The following MAP3K11 variants were observed in gnomAD, a reference collection of about 807,000 sequenced individuals.
The protein encoded by MAP3K11 is SH3 domain-containing proline-rich kinase.
MAP3K11 carries 46 observed loss-of-function variants against 84.9 expected under a neutral mutation model. The observed-to-expected ratio is 0.54, with a 90% CI of 0.43 to 0.69. The LOEUF (loss-of-function observed/expected upper bound fraction) is 0.69. Ranked by LOEUF, MAP3K11 falls within the 30% of genes least tolerant of loss-of-function variation. The pLI is 0.00. For missense variants in MAP3K11, 1,053 were observed against 1,198.3 expected (o/e 0.88, Z 1.79); for synonymous variants, 527 against 514.7 (o/e 1.02, Z -0.32).
chr11:65,607,041 C>G (rs1189981242), intron 5 of MAP3K11: 4 of 688,906 alleles, frequency 5.8e-6, no homozygotes, highest in Non-Finnish European at 9.0e-6. Context: ...CTTCCCAGAA[C>G]TTTCGTGAAC....
At chr11:65,606,862 C>G in intron 5 of MAP3K11, 58 bp from the exon 6 acceptor site, 1 of 1,175,952 alleles carries the variant, frequency 8.5e-7, no homozygotes, top group Admixed American at 2.0e-5. Context: ...GAGCCAGGAC[C>G]CCAACCTGCA....
At chr11:65,603,975 A>C (rs1003504900) in intron 8 of MAP3K11, among the ~76,000 whole-genome samples, 3 of 152,260 alleles carry the variant, frequency 2.0e-5, no homozygotes, top group African/African-American at 7.2e-5. Flanking sequence ...CCAAGAAAGA[A>C]GGCATTTCAG....
chr11:65,610,559 C>G (rs1854561134), intron 1 of MAP3K11: 1 of 152,278 alleles, frequency 6.6e-6, no homozygotes, highest in South Asian at 2.1e-4. Context: ...TTAGCAAGCC[C>G]CCGACGACAA....
rs1006256054 is a variant in MAP3K11, at chr11:65,606,040, G to C, written c.1645C>G (p.Pro549Ala). The C allele has an allele frequency of 1.3e-6, 2 of 1,593,386 alleles. No individual in the cohort carries two copies. The highest frequency in any genetic ancestry group is 1.7e-6 in the Non-Finnish European group (2 of 1,170,626). ...TTGCTTGAGTCCTCCAGACGTCGGG[G>C]GGACTGGCGGCCCCATGCCTGGCCT... ...EPGQAWGRQSPRRLEDSSNGE... is the reference protein window; with the variant it reads ...EPGQAWGRQSARRLEDSSNGE... Residue 549 changes from proline to alanine, a missense_variant, in exon 7 of 10, where the codon CCC (proline) becomes GCC (alanine). Around this residue, in one of 3 missense-constraint regions of MAP3K11, gnomAD observed 583 missense variants for 566.6 expected, o/e 1.03. Coordinates refer to ENST00000309100, the MANE Select transcript of MAP3K11 (RefSeq NM_002419.4).
At chr11:65,609,413 G>A (rs1370250234) in intron 1 of MAP3K11, 1 of 152,274 alleles carries the variant, frequency 6.6e-6, no homozygotes, top group Non-Finnish European at 1.5e-5. Flanking sequence ...CCACAAAGGA[G>A]GAGCTTGGGG....
intron 1 of MAP3K11, chr11:65,611,893 G>A (rs540496232): frequency 6.6e-6 from 1 of 152,396 alleles, no homozygotes; most frequent in South Asian, 2.1e-4. Flanking sequence ...CACCCTACCA[G>A]GGATGAGAAG....
At chr11:65,606,955 C>A in intron 5 of MAP3K11, 151 bp from the exon 6 acceptor site, 1 of 598,584 alleles carries the variant, frequency 1.7e-6, no homozygotes. Flanking sequence ...CTTTCTTGAG[C>A]CCCTGGGTCT....
rs1259075111 is a variant in MAP3K11, at chr11:65,607,288, G to A, written c.1471C>T (p.Arg491Cys). The change falls in exon 5 of 10, where the codon CGT (arginine) becomes TGT (cysteine). Residue 491 changes from arginine to cysteine, a missense_variant. This residue lies in a region of MAP3K11 where 583 missense variants were observed against 566.6 expected (regional missense o/e 1.03). Transcript: ENST00000309100. ...CCCTCACCGAGTGGCATGCTGATAC[G>A]CTCGCCGCCGTCGCGCGCCCGGAGC... ...SKLRARDGGE[R>C]ISMPLDFKHR... The A allele has an allele frequency of 3.3e-6, 5 of 1,520,644 alleles. No homozygotes were observed. The highest frequency in any genetic ancestry group is 5.1e-5 in the East Asian group (2 of 38,918). The allele number at this position is 1,520,644 out of a possible 1,614,324, so 94.2% of individuals were successfully genotyped here.
At position 65,608,094 on chromosome 11, in the gene MAP3K11, T is replaced by G. The variant is rs758465671; in HGVS notation, c.921-24A>C. 18 of 1,609,444 alleles carry G rather than the reference T, an allele frequency of 1.1e-5. No homozygotes were observed. In the South Asian group the frequency reaches 2.0e-4, roughly 18 times the overall value. On this transcript the variant is annotated intron_variant, in intron 2 of 9. Transcript: ENST00000309100. The stretch of plus-strand genomic sequence containing the variant: ...AACTGTGGGCGAGACAACAGGTCTG[T>G]GTTCCCTTTTCTCTCCCAACCCCCA...
At position 65,607,761 on chromosome 11, in the gene MAP3K11, C is replaced by T. The variant is rs1281775350; in HGVS notation, c.1125G>A (p.Gln375=). The T allele has an allele frequency of 5.0e-6, 8 of 1,613,672 alleles. No homozygotes were observed. In the East Asian group the frequency reaches 1.8e-4, roughly 36 times the overall value. Residue 375 remains glutamine, a synonymous_variant, in exon 4 of 10, where the codon CAG becomes CAA. Coordinates refer to ENST00000309100, the MANE Select transcript of MAP3K11 (RefSeq NM_002419.4). ...RRPDFASILQ[Q]LEALEAQVLR... ...GGACCTGTGCCTCCAGCGCCTCCAA[C>T]TGCTGCAGGATGGAGGCGAAGTCGG...
chr11:65,614,027 G>A lies in MAP3K11; in HGVS notation c.-271C>T. Reference sequence around the variant, plus strand: ...CGCCTCACCATGGCTAGCTTGGAGGGACCCGAGCTTCCCTCGGTTCTGGAG... The same window carrying A: ...CGCCTCACCATGGCTAGCTTGGAGGAACCCGAGCTTCCCTCGGTTCTGGAG... On this transcript the variant is annotated 5_prime_UTR_variant, in exon 1 of 10. Transcript: ENST00000309100. 4.2e-6 allele frequency: 2 copies of A among 476,720 alleles called. No individual in the cohort carries two copies. The highest frequency in any genetic ancestry group is 6.4e-5 in the South Asian group (2 of 31,420). 29.5% of individuals were successfully genotyped at this position (476,720 alleles called of 1,614,324 possible).
chr11:65,599,618 A>G lies in MAP3K11; in HGVS notation c.1982T>C (p.Leu661Pro). 4 of 1,538,294 alleles carry G rather than the reference A, an allele frequency of 2.6e-6. No homozygotes were observed. The highest frequency in any genetic ancestry group is 3.5e-6 in the Non-Finnish European group (4 of 1,148,234). The change falls in exon 9 of 10, where the codon CTG becomes CCG. Residue 661 changes from leucine to proline, a missense_variant. Physicochemically the swap from Leu to Pro is moderately conservative, Grantham distance 98 (BLOSUM62 -3). Coordinates refer to ENST00000309100, the MANE Select transcript of MAP3K11 (RefSeq NM_002419.4). ...LLASLGLGRD[L>P]QPPGGPGRER... is the part of the protein sequence containing the mutation. Reference sequence around the variant, plus strand: ...GCGTCCTGGGCCTCCCGGCGGCTGCAGGTCGCGGCCAAGGCCCAGCGAGGC... The same window carrying G: ...GCGTCCTGGGCCTCCCGGCGGCTGCGGGTCGCGGCCAAGGCCCAGCGAGGC...
rs767989362 is a variant in MAP3K11 at position 65,599,539 on chromosome 11, C to G, written c.2061G>C (p.Pro687=). The G allele has an allele frequency of 2.8e-5, 42 of 1,483,110 alleles. No individual in the cohort carries two copies. The highest frequency in any genetic ancestry group is 3.6e-5 in the Non-Finnish European group (40 of 1,122,708). The allele number at this position is 1,483,110 out of a possible 1,614,324, so 91.9% of individuals were successfully genotyped here. Residue 687 remains proline (P), a synonymous_variant, in exon 9 of 10, where the codon CCG becomes CCC. Transcript: ENST00000309100. ...TPPTPTPAPC[P]TEPPPSPLIC... Reference sequence around the variant, plus strand: ...TGAGCGGGGAAGGGGGCGGCTCGGTCGGGCAGGGCGCGGGCGTTGGCGTGG... The same window carrying G: ...TGAGCGGGGAAGGGGGCGGCTCGGTGGGGCAGGGCGCGGGCGTTGGCGTGG...
chr11:65,607,658 G>A lies in MAP3K11; in HGVS notation c.1228C>T (p.Leu410=). The A allele has an allele frequency of 6.2e-7, 1 of 1,609,022 alleles. No individual in the cohort carries two copies. The highest frequency in any genetic ancestry group is 8.5e-7 in the Non-Finnish European group (1 of 1,176,390). The change falls in exon 4 of 10, where the codon CTG becomes TTG. Residue 410 remains leucine (L), a synonymous_variant. Transcript: ENST00000309100. ...CCTCGCACCTTTTCCTTGGCTCGCA[G>A]CTCGTCGAAGAGACCCTGGATCTCG... ...KREIQGLFDE[L]RAKEKELLSR...
In MAP3K11 at chr11:65,613,794, T is replaced by G; in HGVS notation, c.-38A>C. Reference sequence around the variant, plus strand: ...GCGCTGGGATGTGTGGAGGACCTTCTCTGGGTGCCCGTGGTCCCCACCCCC... The same window carrying G: ...GCGCTGGGATGTGTGGAGGACCTTCGCTGGGTGCCCGTGGTCCCCACCCCC... On this transcript the variant is annotated 5_prime_UTR_variant, in exon 1 of 10. Transcript: ENST00000309100. 1.3e-6 allele frequency: 2 copies of G among 1,491,484 alleles called. No individual in the cohort carries two copies. The highest frequency in any genetic ancestry group is 1.8e-6 in the Non-Finnish European group (2 of 1,126,116). The allele number at this position is 1,491,484 out of a possible 1,614,324, so 92.4% of individuals were successfully genotyped here. A position where few individuals can be genotyped will look rare whatever the true frequency, so the allele number is the denominator to read the frequency against.
chr11:65,604,595 C>G (rs1242645933), intron 8 of MAP3K11, among the ~76,000 whole-genome samples: 3 of 152,224 alleles, frequency 2.0e-5, no homozygotes, highest in Non-Finnish European at 2.9e-5. Context: ...CCTCAGTTTT[C>G]TCTGTTGTAA....
intron 1 of MAP3K11, chr11:65,612,604 C>T (rs980394945): frequency 4.2e-5 from 7 of 165,980 alleles, no homozygotes; most frequent in Admixed American, 3.8e-4. Flanking sequence ...GATATCTGTT[C>T]TGGAGGAGCT....
At chr11:65,612,136 C>G (rs748714920) in intron 1 of MAP3K11, 7 of 152,718 alleles carry the variant, frequency 4.6e-5, no homozygotes, top group Admixed American at 2.0e-4. Context: ...AGCCTGCACT[C>G]TGGGCTCTAG....
intron 6 of MAP3K11, 187 bp downstream of exon 6, chr11:65,606,504 C>A: frequency 2.2e-6 from 1 of 458,730 alleles, no homozygotes; most frequent in Non-Finnish European, 3.8e-6. Context: ...AATTATTTGA[C>A]TAAAAAAAAA....
Sources: allele counts gnomAD v4.1 joint callset (sites outside exome capture counted in the v4.1 genomes callset), GRCh38; gene constraint gnomAD v4.1.1; regional missense constraint gnomAD v4.1.1; transcripts MANE v1.5; gene names NCBI Gene and HGNC (gene_info 2026-07-23, HGNC 2026-07-21).